Variants in ANKIB1 observed in about 807,000 individuals in gnomAD.
ANKIB1 encodes ankyrin repeat and IBR domain containing 1.
Under a neutral mutation model 122.1 loss-of-function variants are expected in ANKIB1, and 43 were observed. The ratio of observed to expected loss-of-function variants is 0.35; its 90% CI spans 0.28 to 0.45. The LOEUF (loss-of-function observed/expected upper bound fraction) is 0.45, where lower values mean the gene tolerates loss of function less well. Among genes scored for constraint, ANKIB1 ranks in the 20% least tolerant of loss-of-function variants. ANKIB1 has a pLI of 1.00. For synonymous variants in ANKIB1, 390 were observed against 442.0 expected, an observed-to-expected ratio of 0.88 and a Z score of 1.48; for missense variants, 992 against 1,329.5, an observed-to-expected ratio of 0.75 and a Z score of 3.95.
chr7:92,332,907 C>T (rs189547359), intron 5 of ANKIB1, among the ~76,000 whole-genome samples: 2 of 152,278 alleles, frequency 1.3e-5, no homozygotes, highest in African/African-American at 4.8e-5. Flanking sequence ...TTAAACTCAT[C>T]GTGTTTAAAA....
intron 1 of ANKIB1, among the ~76,000 whole-genome samples, chr7:92,290,179 G>A (rs1169975701): frequency 6.6e-6 from 1 of 152,190 alleles, no homozygotes; most frequent in African/African-American, 2.4e-5. Context: ...TGGAATTTGA[G>A]CTTTCTGGAA....
At chr7:92,381,544 T>C (rs974101723) in intron 11 of ANKIB1, among the ~76,000 whole-genome samples, 5 of 152,192 alleles carry the variant, frequency 3.3e-5, no homozygotes, top group Non-Finnish European at 7.4e-5. Flanking sequence ...GCGGATCTCT[T>C]GGCAGAAACC....
chr7:92,282,458 T>G (rs1562770067), intron 1 of ANKIB1, among the ~76,000 whole-genome samples: 2 of 152,212 alleles, frequency 1.3e-5, no homozygotes, highest in African/African-American at 4.8e-5. Context: ...TAAGTACTTT[T>G]TGTGTCTGTC....
intron 1 of ANKIB1, among the ~76,000 whole-genome samples, chr7:92,267,968 T>G (rs1472459644): frequency 6.6e-6 from 1 of 152,202 alleles, no homozygotes; most frequent in African/African-American, 2.4e-5. Flanking sequence ...CATACGCCTT[T>G]GCTTCTAAAG....
chr7:92,338,936 ATATATATATAT>A (rs1803366124), intron 5 of ANKIB1, among the ~76,000 whole-genome samples: 8 of 22,476 alleles, frequency 3.6e-4, no homozygotes, highest in Non-Finnish European at 5.2e-4. Flanking sequence ...AAAAAAAAAT[ATATATATATAT>A]ATATATATAT....
intron 10 of ANKIB1, among the ~76,000 whole-genome samples, chr7:92,370,340 C>G (rs6950926): frequency 2.0e-5 from 3 of 151,320 alleles, no homozygotes; most frequent in African/African-American, 7.3e-5. Context: ...AACCCCATGT[C>G]TACTAAAAAT....
chr7:92,313,903 A>G (rs1802741122), intron 3 of ANKIB1, among the ~76,000 whole-genome samples: 1 of 152,154 alleles, frequency 6.6e-6, no homozygotes, highest in South Asian at 2.1e-4. Context: ...TGGAAGAGTA[A>G]TAAAACATTA....
At chr7:92,256,422 A>G (rs1372571859) in intron 1 of ANKIB1, among the ~76,000 whole-genome samples, 2 of 152,272 alleles carry the variant, frequency 1.3e-5, no homozygotes, top group East Asian at 1.9e-4. Context: ...TATCTAATAC[A>G]TTAAAATCTA....
chr7:92,283,042 G>A (rs1392666488), intron 1 of ANKIB1, among the ~76,000 whole-genome samples: 1 of 152,074 alleles, frequency 6.6e-6, no homozygotes, highest in Non-Finnish European at 1.5e-5. Flanking sequence ...TCTAACTACA[G>A]TATCATTTTT....
intron 1 of ANKIB1, among the ~76,000 whole-genome samples, chr7:92,270,515 T>A (rs1801764097): frequency 6.6e-6 from 1 of 152,182 alleles, no homozygotes; most frequent in African/African-American, 2.4e-5. Context: ...AGAAAACTTT[T>A]ATTTTTTAAA....
intron 4 of ANKIB1, among the ~76,000 whole-genome samples, chr7:92,324,310 T>C (rs1458348505): frequency 5.3e-5 from 8 of 152,336 alleles, no homozygotes. Context: ...CTCAGCTCAC[T>C]GGAGCCTCCA....
intron 7 of ANKIB1, among the ~76,000 whole-genome samples, chr7:92,348,347 C>T: frequency 6.6e-6 from 1 of 151,518 alleles, no homozygotes; most frequent in South Asian, 2.1e-4. Context: ...GAAAAAGGAA[C>T]TCTACAGTTA....
chr7:92,294,271 A>G (rs139149262), intron 1 of ANKIB1, among the ~76,000 whole-genome samples: 2 of 152,290 alleles, frequency 1.3e-5, no homozygotes, highest in East Asian at 3.9e-4. Flanking sequence ...AATAAATTTA[A>G]TGGTCTTAAA....
chr7:92,364,435 A>T (rs1298320297), intron 10 of ANKIB1, among the ~76,000 whole-genome samples: 2 of 149,234 alleles, frequency 1.3e-5, no homozygotes, highest in Non-Finnish European at 3.0e-5. Flanking sequence ...ATGGGTGTGT[A>T]TATGTGTTTG....
At chr7:92,320,317 C>G (rs929519962) in intron 4 of ANKIB1, among the ~76,000 whole-genome samples, 2 of 152,156 alleles carry the variant, frequency 1.3e-5, no homozygotes, top group Non-Finnish European at 2.9e-5. Context: ...ACTTTCTTCC[C>G]TTCTACTCTG....
chr7:92,398,126 G>C (rs1804939652), intron 19 of ANKIB1, 86 bp from the exon 20 acceptor site: 1 of 1,352,298 alleles, frequency 7.4e-7, no homozygotes, highest in Non-Finnish European at 9.9e-7. Flanking sequence ...ATAATCTGTT[G>C]GTAAAGGAAG....
At chr7:92,271,902 A>C (rs980076905) in intron 1 of ANKIB1, among the ~76,000 whole-genome samples, 1 of 152,224 alleles carries the variant, frequency 6.6e-6, no homozygotes, top group Non-Finnish European at 1.5e-5. Context: ...AGGAATGATC[A>C]AAGAATTTAT....
chr7:92,298,106 T>TATC (rs1289602302), intron 2 of ANKIB1, among the ~76,000 whole-genome samples: 1 of 151,906 alleles, frequency 6.6e-6, no homozygotes, highest in Non-Finnish European at 1.5e-5. Flanking sequence ...TTTAAAATCA[T>TATC]ATTATTATTA....
intron 2 of ANKIB1, among the ~76,000 whole-genome samples, chr7:92,300,973 T>G (rs1420037368): frequency 6.6e-6 from 1 of 152,222 alleles, no homozygotes; most frequent in Admixed American, 6.5e-5. Context: ...TATAATGCAC[T>G]GAACTTAGCA....
Sources: gnomAD v4.1 joint callset for allele counts (sites outside exome capture counted in the v4.1 genomes callset) on GRCh38, gnomAD v4.1.1 for gene constraint, MANE v1.5 for transcripts, NCBI Gene and HGNC (gene_info 2026-07-23, HGNC 2026-07-21) for gene names.